Variants in AUTS2 observed in about 807,000 individuals in gnomAD.
AUTS2 encodes the protein autism susceptibility gene 2 protein.
In AUTS2, 17 loss-of-function variants were observed where a neutral mutation model predicts 112.4. The ratio of observed to expected loss-of-function variants is 0.15; its 90% CI spans 0.10 to 0.23. The LOEUF is 0.23. Ranked by LOEUF, AUTS2 falls within the 10% of genes least tolerant of loss-of-function variation. The pLI, the probability that AUTS2 is intolerant of heterozygous loss-of-function variation, is 1.00. For missense variants in AUTS2, 1,510 were observed against 1,701.6 expected (o/e 0.89, Z 1.98); for synonymous variants, 751 against 702.7 (o/e 1.07, Z -1.09).
intron 1 of AUTS2, among the ~76,000 whole-genome samples, chr7:69,869,981 A>T (rs956526981): frequency 6.6e-6 from 1 of 152,172 alleles, no homozygotes; most frequent in Non-Finnish European, 1.5e-5. Flanking sequence ...TTTCCTAAAA[A>T]GTACTTGGAT....
chr7:69,927,750 G>C (rs1007114667), intron 2 of AUTS2, among the ~76,000 whole-genome samples: 6 of 152,358 alleles, frequency 3.9e-5, no homozygotes, highest in Middle Eastern at 3.4e-3. Context: ...TGCCCGCACA[G>C]GTACCGGCCC....
chr7:70,340,382 A>G (rs1445248455), intron 4 of AUTS2, among the ~76,000 whole-genome samples: 1 of 152,100 alleles, frequency 6.6e-6, no homozygotes, highest in African/African-American at 2.4e-5. Context: ...GAACCCTAAC[A>G]ATTCTTTTCT....
rs1791874163 is a variant in AUTS2 at position 70,790,646 on chromosome 7, G to A, written c.3430G>A (p.Glu1144Lys). The stretch of plus-strand genomic sequence containing the variant: ...GTCTGTGGACCCTCGGCGGGAGCAC[G>A]AGCGGGGAGGCCACCTGGACGAGCG... ...PLSVDPRREH[E>K]RGGHLDERER... The change falls in exon 19 of 19, where the codon GAG becomes AAG. Residue 1144 changes from glutamate (E) to lysine (K), a missense_variant. Coordinates refer to ENST00000342771, the MANE Select transcript of AUTS2 (RefSeq NM_015570.4). This position sits in a 1 kb window ranked among gnomAD's most constrained non-coding sequence, Gnocchi z 7.6. The A allele has an allele frequency of 1.2e-6, 2 of 1,612,682 alleles. No homozygotes were observed. Among genetic ancestry groups the A allele is most frequent in the Non-Finnish European group, 8.5e-7 (1 of 1,179,626 alleles).
chr7:70,162,686 A>G (rs998675138), intron 4 of AUTS2, among the ~76,000 whole-genome samples: 3 of 152,092 alleles, frequency 2.0e-5, no homozygotes, highest in African/African-American at 7.2e-5. Context: ...TAATTGTATT[A>G]TTAAACGAAA....
intron 4 of AUTS2, among the ~76,000 whole-genome samples, chr7:70,363,866 A>G (rs1354535233): frequency 1.3e-5 from 2 of 152,126 alleles, no homozygotes; most frequent in Non-Finnish European, 2.9e-5. Flanking sequence ...GTCCTCCTCT[A>G]GCCTATTTAT....
intron 2 of AUTS2, among the ~76,000 whole-genome samples, chr7:70,085,429 G>A (rs899707542): frequency 2.0e-5 from 3 of 151,180 alleles, no homozygotes; most frequent in Non-Finnish European, 4.4e-5. Flanking sequence ...GCAGTGGCAC[G>A]ATCTTGGCTC....
chr7:70,157,739 T>C (rs1395514073), intron 4 of AUTS2, among the ~76,000 whole-genome samples: 1 of 152,228 alleles, frequency 6.6e-6, no homozygotes, highest in Non-Finnish European at 1.5e-5. Flanking sequence ...GCAAACATGA[T>C]GTAGAGCCAC....
At chr7:69,739,876 G>A (rs941239341) in intron 1 of AUTS2, among the ~76,000 whole-genome samples, 4 of 152,122 alleles carry the variant, frequency 2.6e-5, no homozygotes, top group Admixed American at 2.6e-4. Flanking sequence ...TGTATGTTGG[G>A]GAAGGATTGA....
intron 5 of AUTS2, among the ~76,000 whole-genome samples, chr7:70,496,425 CAT>C (rs1469476303): frequency 2.1e-5 from 3 of 140,146 alleles, no homozygotes; most frequent in East Asian, 2.2e-4. Context: ...CACACATGCA[CAT>C]GTCACATCAG....
intron 5 of AUTS2, among the ~76,000 whole-genome samples, chr7:70,549,078 C>G (rs957562946): frequency 1.3e-5 from 2 of 152,172 alleles, no homozygotes; most frequent in African/African-American, 2.4e-5. Flanking sequence ...TCTTTAATTT[C>G]TCTCAACAAT....
At chr7:70,134,245 A>G (rs932456465) in intron 3 of AUTS2, among the ~76,000 whole-genome samples, 1 of 152,208 alleles carries the variant, frequency 6.6e-6, no homozygotes, top group Non-Finnish European at 1.5e-5. Flanking sequence ...GCGAAATGCC[A>G]TCATTAATTC....
intron 1 of AUTS2, among the ~76,000 whole-genome samples, chr7:69,641,140 A>G (rs952095689): frequency 1.4e-4 from 21 of 152,246 alleles, no homozygotes; most frequent in African/African-American, 4.8e-4. Context: ...CTGGCTGTCC[A>G]GTGGAGGAGA....
chr7:70,211,406 T>C (rs973725535), intron 4 of AUTS2, among the ~76,000 whole-genome samples: 21 of 151,746 alleles, frequency 1.4e-4, no homozygotes, highest in Admixed American at 1.2e-3. Context: ...TCCCAGCACT[T>C]TGGGAGGCAG....
At chr7:69,876,578 A>G (rs1209318487) in intron 1 of AUTS2, among the ~76,000 whole-genome samples, 6 of 125,560 alleles carry the variant, frequency 4.8e-5, no homozygotes, top group Admixed American at 3.5e-4. Flanking sequence ...TTCTTTTGAG[A>G]GCTACCAAGG....
chr7:70,350,431 G>C (rs1791695193), intron 4 of AUTS2, among the ~76,000 whole-genome samples: 1 of 152,154 alleles, frequency 6.6e-6, no homozygotes. Context: ...GTTGCACATG[G>C]CTGGGGAGGC....
At chr7:69,931,506 C>T (rs901160009) in intron 2 of AUTS2, among the ~76,000 whole-genome samples, 2 of 152,090 alleles carry the variant, frequency 1.3e-5, no homozygotes, top group Admixed American at 6.6e-5. Context: ...CAGAATGTCT[C>T]CTTTTTCTGT....
intron 1 of AUTS2, among the ~76,000 whole-genome samples, chr7:69,850,010 C>T (rs1209233450): frequency 6.6e-6 from 1 of 151,918 alleles, no homozygotes; most frequent in Admixed American, 6.6e-5. Context: ...AAATGTCAGA[C>T]TTGGCTGGGC....
At chr7:69,641,274 A>G (rs924792835) in intron 1 of AUTS2, among the ~76,000 whole-genome samples, 1 of 152,208 alleles carries the variant, frequency 6.6e-6, no homozygotes, top group African/African-American at 2.4e-5. Context: ...AATAAGCCCA[A>G]ACCACATTAA....
intron 2 of AUTS2, among the ~76,000 whole-genome samples, chr7:70,018,538 T>C (rs1800133214): frequency 6.6e-6 from 1 of 152,206 alleles, no homozygotes. Flanking sequence ...GATTCCTGTT[T>C]AACACTCTTC....
Sources: gnomAD v4.1 joint callset for allele counts (sites outside exome capture counted in the v4.1 genomes callset) on GRCh38, gnomAD v4.1.1 for gene constraint, Gnocchi (gnomAD v3.1) non-coding constraint, MANE v1.5 for transcripts, NCBI Gene and HGNC (gene_info 2026-07-23, HGNC 2026-07-21) for gene names.